The following TULP1 variants were observed in gnomAD, a reference collection of about 807,000 sequenced individuals.
The protein encoded by TULP1 is TUB like protein 1, also known as tubby-related protein 1.
A neutral mutation model predicts 67.1 loss-of-function variants in TULP1; 50 were observed. The ratio of observed to expected loss-of-function variants is 0.75; its 90% CI spans 0.59 to 0.94. TULP1 has a LOEUF of 0.94. TULP1 is among the 40% of genes least tolerant of loss of function. The probability of loss-of-function intolerance (pLI) is 0.00; values close to 1 mark genes in which losing one functional copy is unlikely to be tolerated. For missense variants in TULP1, 746 were observed against 734.1 expected (o/e 1.02, Z -0.19); for synonymous variants, 297 against 294.0 (o/e 1.01, Z -0.11).
At chr6:35,506,667 C>A (rs912760105) in intron 8 of TULP1, among the ~76,000 whole-genome samples, 11 of 152,214 alleles carry the variant, frequency 7.2e-5, no homozygotes, top group African/African-American at 2.7e-4. Flanking sequence ...TTACTCATTT[C>A]ATCCTCTTAT....
Position 35,502,133 on chromosome 6 carries a change from A to G in TULP1, c.1323+1426T>C, listed in dbSNP as rs114062734. Among the ~76,000 whole-genome samples, 193 of 152,194 alleles carry G rather than the reference A, an allele frequency of 1.3e-3. 2 individuals are homozygous for G. Among genetic ancestry groups the G allele is most frequent in the African/African-American group, 4.4e-3 (183 of 41,504 alleles). On this transcript the variant is annotated intron_variant, in intron 13 of 14. Transcript: ENST00000229771. Reference sequence around the variant, plus strand: ...TAATATTGAGACTTACACACTTATTATCTACCTTCCCCTGTTTGACTTTTT... The same window carrying G: ...TAATATTGAGACTTACACACTTATTGTCTACCTTCCCCTGTTTGACTTTTT...
intron 13 of TULP1, among the ~76,000 whole-genome samples, chr6:35,502,103 A>G (rs1475202686): frequency 2.0e-5 from 3 of 152,110 alleles, no homozygotes; most frequent in African/African-American, 4.8e-5. Context: ...TTTGACAACC[A>G]TATTTAATAT....
rs762348395 is a variant in TULP1, at chr6:35,500,077, C to T, written c.1399G>A (p.Val467Ile). The T allele has an allele frequency of 6.2e-7, 1 of 1,614,172 alleles. No homozygotes were observed. The highest frequency in any genetic ancestry group is 8.5e-7 in the Non-Finnish European group (1 of 1,180,026). The change falls in exon 14 of 15, where the codon GTC (valine) becomes ATC (isoleucine). Residue 467 changes from valine (V) to isoleucine (I), a missense_variant. Transcript: ENST00000229771. Reference sequence around the variant, plus strand: ...TAGGAGCCACTGTCATCGTTCCAGACAGGTGGCTTGTTGTGCAGTTCTATG... The same window carrying T: ...TAGGAGCCACTGTCATCGTTCCAGATAGGTGGCTTGTTGTGCAGTTCTATG... ...SLIELHNKPP[V>I]WNDDSGSYTL...
chr6:35,502,218 G>A (rs1317946429), intron 13 of TULP1, among the ~76,000 whole-genome samples: 1 of 151,532 alleles, frequency 6.6e-6, no homozygotes, highest in African/African-American at 2.4e-5. Context: ...TTTTGAGATG[G>A]AGTCTAGCTC....
Position 35,512,269 on chromosome 6 carries a change from C to A in TULP1, c.101G>T (p.Arg34Leu). 2 of 1,391,488 alleles carry A rather than the reference C, an allele frequency of 1.4e-6. No individual in the cohort carries two copies. The highest frequency in any genetic ancestry group is 1.9e-6 in the Non-Finnish European group (2 of 1,069,794). 86.2% of individuals were successfully genotyped at this position (1,391,488 alleles called of 1,614,324 possible). The change falls in exon 3 of 15, where the codon CGA becomes CTA. Residue 34 changes from arginine to leucine, a missense_variant and splice_region_variant. Around this residue, in one of 3 missense-constraint regions of TULP1, gnomAD observed 359 missense variants for 341.9 expected, o/e 1.05. Transcript: ENST00000229771. Reference sequence around the variant, plus strand: ...CCTTAGCCTCTGTGCCGGGGCGGGTCGCTGCGGAACGGGGGTCAAGAGGAG... The same window carrying A: ...CCTTAGCCTCTGTGCCGGGGCGGGTAGCTGCGGAACGGGGGTCAAGAGGAG... ...SPEAPRRPKQ[R>L]PAPAQRLRKK...
Position 35,498,205 on chromosome 6 carries a change from G to T in TULP1, c.*122C>A. The T allele has an allele frequency of 6.8e-7, 1 of 1,462,974 alleles. No homozygotes were observed. The highest frequency in any genetic ancestry group is 2.5e-5 in the East Asian group (1 of 40,400). The allele number at this position is 1,462,974 out of a possible 1,614,324, so 90.6% of individuals were successfully genotyped here. A position where few individuals can be genotyped will look rare whatever the true frequency, so the allele number is the denominator to read the frequency against. On this transcript the variant is annotated 3_prime_UTR_variant, in exon 15 of 15. Transcript: ENST00000229771. The surrounding 1 kb of genome is among the most constrained non-coding windows in gnomAD (Gnocchi z 6.7). Reference sequence around the variant, plus strand: ...GACGGAGGTCACCGAGAGGCAGTGAGAGGTCAGCCCCGACACAGGAGCAGT... The same window carrying T: ...GACGGAGGTCACCGAGAGGCAGTGATAGGTCAGCCCCGACACAGGAGCAGT...
At position 35,498,362 on chromosome 6, in the gene TULP1, G is replaced by C; in HGVS notation, c.1594C>G (p.Leu532Val). Residue 532 changes from leucine to valine, a missense_variant, in exon 15 of 15, where the codon CTC (leucine) becomes GTC (valine). By Grantham distance (32) the Leu-to-Val change is conservative (BLOSUM62 1). Around this residue, in one of 3 missense-constraint regions of TULP1, gnomAD observed 383 missense variants for 374.1 expected, o/e 1.02. Coordinates refer to ENST00000229771, the MANE Select transcript of TULP1 (RefSeq NM_003322.6). The surrounding 1 kb of genome is among the most constrained non-coding windows in gnomAD (Gnocchi z 6.7). ...GCCAGCTTCCCGTCGAAACTGGAGA[G>C]GGCGATGGCGAAGGCCTGCAGGGCG... ...LCALQAFAIA[L>V]SSFDGKLACE 1 of 1,613,292 alleles carries C rather than the reference G, an allele frequency of 6.2e-7. No individual in the cohort carries two copies. Among genetic ancestry groups the C allele is most frequent in the Non-Finnish European group, 8.5e-7 (1 of 1,179,780 alleles).
intron 5 of TULP1, 183 bp downstream of exon 5, chr6:35,510,678 C>T (rs1761177507): frequency 1.5e-6 from 2 of 1,348,002 alleles, no homozygotes; most frequent in Non-Finnish European, 2.0e-6. Flanking sequence ...GGGGTGGAGG[C>T]ATATATTGGT....
rs187701943 is a variant in TULP1, at chr6:35,512,821, G to T, written c.38C>A (p.Ala13Asp). 2.7e-5 allele frequency: 44 copies of T among 1,612,232 alleles called. No homozygotes were observed. The Admixed American group carries it at 5.2e-4, about 19-fold the overall frequency. Residue 13 changes from alanine (A) to aspartate (D), a missense_variant, in exon 1 of 15, where the codon GCC becomes GAC. Physicochemically the swap from Ala to Asp is moderately radical, Grantham distance 126. This residue lies in a region of TULP1 where 359 missense variants were observed against 341.9 expected (regional missense o/e 1.05). Coordinates refer to ENST00000229771, the MANE Select transcript of TULP1 (RefSeq NM_003322.6). Reference sequence around the variant, plus strand: ...TGGGGGCCTTCCAGACCTGTCAGAGGCCCACACCTCTCGGAGGGTTTCATC... The same window carrying T: ...TGGGGGCCTTCCAGACCTGTCAGAGTCCCACACCTCTCGGAGGGTTTCATC... ...LRDETLREVW[A>D]SDSGHEEESL...
chr6:35,506,418 G>A, intron 8 of TULP1, 139 bp from the exon 9 acceptor site: 1 of 1,097,658 alleles, frequency 9.1e-7, no homozygotes, highest in Non-Finnish European at 1.4e-6. Flanking sequence ...GATTTATTTT[G>A]ATTCTGCTTA....
intron 8 of TULP1, among the ~76,000 whole-genome samples, chr6:35,507,784 A>G (rs1011450419): frequency 2.0e-5 from 3 of 152,240 alleles, no homozygotes; most frequent in African/African-American, 7.2e-5. Flanking sequence ...GAATCCACAA[A>G]GATGTGCTGT....
At chr6:35,499,416 G>A (rs1347288088) in intron 14 of TULP1, among the ~76,000 whole-genome samples, 3 of 152,208 alleles carry the variant, frequency 2.0e-5, no homozygotes, top group Non-Finnish European at 4.4e-5. Context: ...ACCTCTCTGT[G>A]CCTTAGTTTC....
At chr6:35,505,500 G>A (rs1761061415) in intron 11 of TULP1, 3 of 1,158,280 alleles carry the variant, frequency 2.6e-6, no homozygotes, top group Non-Finnish European at 3.6e-6. Context: ...GCTGGCAGCA[G>A]TGTGGGCATC....
At position 35,509,725 on chromosome 6, in the gene TULP1, G is replaced by A. The variant is rs1207044466; in HGVS notation, c.627C>T (p.Pro209=). Residue 209 remains proline, a synonymous_variant, in exon 7 of 15, where the codon CCC becomes CCT. Transcript: ENST00000229771. ...KKGSGEADKD[P]SGSPASARKS... is the part of the protein sequence containing the mutation. ...TCCTCGCACTGGCTGGGCTCCCTGA[G>A]GGGTCCTTGTCGGCCTCCCCAGACC... 3.1e-6 allele frequency: 5 copies of A among 1,613,932 alleles called. No individual in the cohort carries two copies. The Admixed American group carries it at 6.7e-5, about 22-fold the overall frequency.
Position 35,509,284 on chromosome 6 carries a change from T to C in TULP1, c.747A>G (p.Glu249=). The C allele has an allele frequency of 6.2e-7, 1 of 1,613,998 alleles. No homozygotes were observed. The highest frequency in any genetic ancestry group is 8.5e-7 in the Non-Finnish European group (1 of 1,179,904). The change falls in exon 8 of 15, where the codon GAA becomes GAG. Residue 249 remains glutamate (E), a synonymous_variant. Transcript: ENST00000229771. ...CCGTAGCTGCCTCCTCCTCCTCTTC[T>C]TCCTCCTTCCTCGCGCCTTTGGGAG... ...KGTPKGARKE[E]EEEEEAATVI...
In TULP1 at chr6:35,503,367, A is replaced by G. The variant is rs1761008645; in HGVS notation, c.1323+192T>C. ...TATGAATTTGATGTAAACTCCAAAA[A>G]CAACCAAAAAGCCCATTGTGGTTTT... On this transcript the variant is annotated intron_variant, in intron 13 of 14. Transcript: ENST00000229771. This position sits in a 1 kb window ranked among gnomAD's most constrained non-coding sequence, Gnocchi z 4.0. 1.6e-6 allele frequency: 1 copy of G among 620,212 alleles called. No homozygotes were observed. Among genetic ancestry groups the G allele is most frequent in the Non-Finnish European group, 2.8e-6 (1 of 353,348 alleles). The allele number at this position is 620,212 out of a possible 1,614,324, so 38.4% of individuals were successfully genotyped here.
rs145272099 is a variant in TULP1, at chr6:35,512,828, C to G, written c.31G>C (p.Val11Leu). MPLRDETLRE[V>L]WASDSGHEEE... Reference sequence around the variant, plus strand: ...CTTCCAGACCTGTCAGAGGCCCACACCTCTCGGAGGGTTTCATCCCGCAGA... The same window carrying G: ...CTTCCAGACCTGTCAGAGGCCCACAGCTCTCGGAGGGTTTCATCCCGCAGA... The change falls in exon 1 of 15, where the codon GTG becomes CTG. Residue 11 changes from valine (V) to leucine (L), a missense_variant. Coordinates refer to ENST00000229771, the MANE Select transcript of TULP1 (RefSeq NM_003322.6). 1.2e-6 allele frequency: 2 copies of G among 1,613,144 alleles called. No homozygotes were observed. Among genetic ancestry groups the G allele is most frequent in the Non-Finnish European group, 1.7e-6 (2 of 1,179,984 alleles).
intron 4 of TULP1, 143 bp from the exon 5 acceptor site, chr6:35,511,153 C>T: frequency 6.6e-7 from 1 of 1,512,890 alleles, no homozygotes; most frequent in Non-Finnish European, 8.8e-7. Context: ...GGAGACCTGG[C>T]ACCTTCCCAG....
chr6:35,503,230 G>A lies in TULP1; in HGVS notation c.1323+329C>T, dbSNP rs1279980156. On this transcript the variant is annotated intron_variant, in intron 13 of 14. Coordinates refer to ENST00000229771, the MANE Select transcript of TULP1 (RefSeq NM_003322.6). This position sits in a 1 kb window ranked among gnomAD's most constrained non-coding sequence, Gnocchi z 4.0. Reference sequence around the variant, plus strand: ...TGGGATTACAGGCGTGAGCCACCGCGCCCGGCCCAGGGGTGCAGATCTTTG... The same window carrying A: ...TGGGATTACAGGCGTGAGCCACCGCACCCGGCCCAGGGGTGCAGATCTTTG... Among the ~76,000 whole-genome samples, 19 of 152,186 alleles carry A rather than the reference G, an allele frequency of 1.2e-4. No homozygotes were observed. The highest frequency in any genetic ancestry group is 4.6e-4 in the African/African-American group (19 of 41,440).
Sources: allele counts gnomAD v4.1 joint callset (sites outside exome capture counted in the v4.1 genomes callset), GRCh38; gene constraint gnomAD v4.1.1; regional missense constraint gnomAD v4.1.1; non-coding constraint Gnocchi (gnomAD v3.1); transcripts MANE v1.5; gene names NCBI Gene and HGNC (gene_info 2026-07-23, HGNC 2026-07-21).